KIAA0586: variants seen among roughly 807,000 people sequenced by gnomAD.
KIAA0586 encodes protein TALPID3.
KIAA0586 carries 144 observed loss-of-function variants against 169.8 expected under a neutral mutation model. The ratio of observed to expected loss-of-function variants is 0.85; its 90% CI spans 0.74 to 0.97. KIAA0586 has a LOEUF of 0.97. Among genes scored for constraint, KIAA0586 ranks in the 50% least tolerant of loss-of-function variants. KIAA0586 has a pLI of 0.00. For synonymous variants in KIAA0586, 625 were observed against 612.4 expected, an observed-to-expected ratio of 1.02 and a Z score of -0.30; for missense variants, 1,854 against 1,823.0, an observed-to-expected ratio of 1.02 and a Z score of -0.31.
chr14:58,522,050 A>T lies in KIAA0586; in HGVS notation c.4429+9423A>T. On this transcript the variant is annotated intron_variant, in intron 29 of 30. Coordinates refer to ENST00000652326, the MANE Select transcript of KIAA0586 (RefSeq NM_001329943.3). ...ATTTCTTTACGTAGGTGCTTGTCTA[A>T]GATCAAATTTTTCACCAGATCCTCT... 6.1e-6 allele frequency: 6 copies of T among 979,950 alleles called. No individual in the cohort carries two copies. The South Asian group carries it at 8.2e-5, about 13-fold the overall frequency. 60.7% of individuals were successfully genotyped at this position (979,950 alleles called of 1,614,324 possible). A position where few individuals can be genotyped will look rare whatever the true frequency, so the allele number is the denominator to read the frequency against.
At chr14:58,505,125 T>C (rs138435742) in intron 27 of KIAA0586, among the ~76,000 whole-genome samples, 27 of 152,298 alleles carry the variant, frequency 1.8e-4, no homozygotes, top group African/African-American at 6.3e-4. Flanking sequence ...CTTCCTGTTT[T>C]TTACCTCACA....
At chr14:58,560,867 C>A in the KIAA0586 span, among the ~76,000 whole-genome samples, 2 of 152,246 alleles carry the variant, frequency 1.3e-5, no homozygotes, top group East Asian at 1.9e-4. Flanking sequence ...AACTAAGATT[C>A]TTTTATCATT....
At chr14:58,464,125 C>G in intron 14 of KIAA0586, 1 of 400,902 alleles carries the variant, frequency 2.5e-6, no homozygotes, top group Non-Finnish European at 5.0e-6. Context: ...GCTGGAAGAA[C>G]TGGAAGGTGA....
Position 58,508,708 on chromosome 14 carries a change from A to G in KIAA0586, c.4322A>G (p.Gln1441Arg). ...NLPVAAEDFS[Q>R]YQLKQNQDVK... is the part of the protein sequence containing the mutation. ...CCAGTAGCCGCTGAAGATTTTTCCC[A>G]GGTACCAAATTAATAGCACTTGTAT... The change falls in exon 28 of 31, where the codon CAG (glutamine) becomes CGG (arginine). Residue 1441 changes from glutamine (Q) to arginine (R), a missense_variant and splice_region_variant. By Grantham distance (43) the Gln-to-Arg change is conservative. Transcript: ENST00000652326. The G allele has an allele frequency of 6.3e-7, 1 of 1,579,658 alleles. No individual in the cohort carries two copies. The highest frequency in any genetic ancestry group is 8.6e-7 in the Non-Finnish European group (1 of 1,161,010).
In KIAA0586 at chr14:58,507,314, T is replaced by C. The variant is rs540640587; in HGVS notation, c.4169-1241T>C. On this transcript the variant is annotated intron_variant, in intron 27 of 30. Transcript: ENST00000652326. ...TATCATGTGTATGATTTATATATCA[T>C]ATATATTTATATATGATATATAAAT... Among the ~76,000 whole-genome samples, 81 of 146,174 alleles carry C rather than the reference T, an allele frequency of 5.5e-4. 1 individual carries two copies. In the South Asian group the frequency reaches 0.017, roughly 30 times the overall value.
intron 4 of KIAA0586, chr14:58,440,236 C>G (rs948036376): frequency 1.2e-5 from 5 of 431,578 alleles, no homozygotes; most frequent in African/African-American, 1.0e-4. Flanking sequence ...ACTGAGTGAC[C>G]TTCCTTTCTT....
intron 29 of KIAA0586, among the ~76,000 whole-genome samples, chr14:58,525,138 G>T (rs1215659673): frequency 6.6e-6 from 1 of 152,152 alleles, no homozygotes; most frequent in Admixed American, 6.5e-5. Context: ...AAGGATGCTG[G>T]TGAGGAAATG....
intron 14 of KIAA0586, chr14:58,464,098 C>T (rs1176638776): frequency 1.0e-4 from 41 of 409,892 alleles, no homozygotes; most frequent in Non-Finnish European, 5.4e-5. Flanking sequence ...CATCACAGAC[C>T]CCATGACACA....
At chr14:58,508,959 A>G (rs1409972027) in intron 28 of KIAA0586, among the ~76,000 whole-genome samples, 3 of 152,136 alleles carry the variant, frequency 2.0e-5, no homozygotes, top group Non-Finnish European at 4.4e-5. Flanking sequence ...GCCAGGTGCA[A>G]TGGCTCACAC....
chr14:58,464,023 G>A, intron 14 of KIAA0586: 1 of 449,920 alleles, frequency 2.2e-6, no homozygotes, highest in Non-Finnish European at 4.5e-6. Context: ...ATAAATTTCA[G>A]ACTATGACCA....
At chr14:58,497,132 G>A (rs573901774) in intron 26 of KIAA0586, among the ~76,000 whole-genome samples, 161 of 151,792 alleles carry the variant, frequency 1.1e-3, no homozygotes, top group African/African-American at 3.8e-3. Flanking sequence ...GCACTACCAT[G>A]CCCGCTAATT....
At chr14:58,512,235 A>T (rs1007261802) in intron 28 of KIAA0586, among the ~76,000 whole-genome samples, 1 of 152,186 alleles carries the variant, frequency 6.6e-6, no homozygotes, top group Admixed American at 6.5e-5. Flanking sequence ...ATTCATAAGT[A>T]GCTCTGAATT....
chr14:58,511,447 A>G (rs1253047421), intron 28 of KIAA0586, among the ~76,000 whole-genome samples: 1 of 152,212 alleles, frequency 6.6e-6, no homozygotes, highest in African/African-American at 2.4e-5. Context: ...AACTTGCCCA[A>G]GGTCAAAGCT....
rs1313213729 is a variant in KIAA0586, at chr14:58,488,039, G to A, written c.3457G>A (p.Gly1153Ser). 1.2e-6 allele frequency: 2 copies of A among 1,610,708 alleles called. No individual in the cohort carries two copies. Among genetic ancestry groups the A allele is most frequent in the Non-Finnish European group, 1.7e-6 (2 of 1,178,596 alleles). ...VSSPELPKPW[G>S]DGDLPLEEEN... ...AAGCCCAGAGCTTCCCAAGCCATGG[G>A]GTGATGGAGACCTGCCACTGGAAGA... The change falls in exon 23 of 31, where the codon GGT becomes AGT. Residue 1153 changes from glycine (G) to serine (S), a missense_variant. Gly to Ser is a moderately conservative substitution (Grantham distance 56, BLOSUM62 0). Transcript: ENST00000652326.
At chr14:58,461,255 G>A (rs893384368) in intron 14 of KIAA0586, 95 bp downstream of exon 14, 18 of 853,566 alleles carry the variant, frequency 2.1e-5, no homozygotes, top group Admixed American at 1.1e-4. Context: ...TTGCTTATAC[G>A]TGCCATTCAA....
chr14:58,431,265 T>C (rs1414658271), intron 3 of KIAA0586, among the ~76,000 whole-genome samples: 1 of 152,180 alleles, frequency 6.6e-6, no homozygotes, highest in African/African-American at 2.4e-5. Context: ...TAGATATGTT[T>C]ATAAATTTTT....
chr14:58,434,290 G>A (rs2037625681), intron 4 of KIAA0586, among the ~76,000 whole-genome samples: 1 of 152,082 alleles, frequency 6.6e-6, no homozygotes. Flanking sequence ...TACAAATTAA[G>A]AAATCTAGAT....
intron 16 of KIAA0586, among the ~76,000 whole-genome samples, 193 bp downstream of exon 16, chr14:58,468,115 G>A (rs1477409995): frequency 1.3e-5 from 2 of 152,038 alleles, no homozygotes; most frequent in African/African-American, 2.4e-5. Flanking sequence ...GCGCAATCTC[G>A]GCTCACTGCA....
At chr14:58,526,077 A>G (rs371173825) in intron 29 of KIAA0586, among the ~76,000 whole-genome samples, 50 of 152,300 alleles carry the variant, frequency 3.3e-4, no homozygotes, top group African/African-American at 1.2e-3. Context: ...CTTATAGATA[A>G]AACTCCCATC....
Sources: gnomAD v4.1 joint callset for allele counts (sites outside exome capture counted in the v4.1 genomes callset) on GRCh38, gnomAD v4.1.1 for gene constraint, MANE v1.5 for transcripts, NCBI Gene and HGNC (gene_info 2026-07-23, HGNC 2026-07-21) for gene names.